APOLD1: variants seen among roughly 807,000 people sequenced by gnomAD.
APOLD1 encodes the protein apolipoprotein L domain-containing protein 1.
A neutral mutation model predicts 15.3 loss-of-function variants in APOLD1; 22 were observed. That is an observed-to-expected ratio of 1.44 (90% CI 1.03 to 2.05). The LOEUF is 2.05. APOLD1 is among the 30% of genes most tolerant of loss of function. APOLD1 has a pLI of 0.00. For missense variants in APOLD1, 394 were observed against 353.5 expected (o/e 1.11, Z -0.92); for synonymous variants, 190 against 167.4 (o/e 1.13, Z -1.04).
At chr12:12,762,570 G>A (rs753420747) in intron 1 of APOLD1, among the ~76,000 whole-genome samples, 1 of 151,776 alleles carries the variant, frequency 6.6e-6, no homozygotes, top group Non-Finnish European at 1.5e-5. Context: ...AGCTAGGCTG[G>A]TCTTGAACTC....
upstream of APOLD1, among the ~76,000 whole-genome samples, chr12:12,781,431 C>T (rs556095365): frequency 6.3e-4 from 95 of 151,780 alleles, no homozygotes; most frequent in South Asian, 2.3e-3. Context: ...AGCGAAACTC[C>T]GTCTCAAAAA....
chr12:12,734,731 A>G lies in APOLD1; in HGVS notation c.96+8635A>G, dbSNP rs1324495338. 2.6e-5 allele frequency among the ~76,000 whole-genome samples: 4 copies of G among 152,196 alleles called. No homozygotes were observed. The East Asian group carries it at 7.7e-4, about 29-fold the overall frequency. ...GTAGGCTGAACAATAAACGTTTATAATCTCACTAGAAAAAAAGCACGTGAA... is the reference window on the plus strand; with the variant it reads ...GTAGGCTGAACAATAAACGTTTATAGTCTCACTAGAAAAAAAGCACGTGAA... On this transcript the variant is annotated intron_variant, in intron 1 of 1. Transcript: ENST00000326765.
intron 1 of APOLD1, chr12:12,771,582 G>C (rs1180860095): frequency 7.7e-6 from 4 of 520,652 alleles, no homozygotes; most frequent in Admixed American, 4.0e-5. Context: ...ACTTATGATG[G>C]AGGAAATGGC....
At chr12:12,767,532 G>A (rs1189465718) in intron 1 of APOLD1, among the ~76,000 whole-genome samples, 4 of 151,826 alleles carry the variant, frequency 2.6e-5, no homozygotes, top group Non-Finnish European at 4.4e-5. Context: ...GTGGGGGCCC[G>A]CGCCTATAAT....
intron 1 of APOLD1, among the ~76,000 whole-genome samples, chr12:12,752,199 T>A (rs908887253): frequency 6.6e-5 from 10 of 152,326 alleles, no homozygotes; most frequent in Non-Finnish European, 4.4e-5. Flanking sequence ...GACAGGGTAA[T>A]TTAATCTGAC....
At chr12:12,786,438 T>A (rs926751738) in intron 1 of APOLD1, among the ~76,000 whole-genome samples, 1 of 151,922 alleles carries the variant, frequency 6.6e-6, no homozygotes, top group Non-Finnish European at 1.5e-5. Flanking sequence ...TTTCATTCAT[T>A]AGAGAGAGAG....
At chr12:12,745,667 AGCATC>A (rs901514406) in intron 1 of APOLD1, among the ~76,000 whole-genome samples, 18 of 152,264 alleles carry the variant, frequency 1.2e-4, no homozygotes, top group African/African-American at 3.9e-4. Flanking sequence ...TGCCTCTCTA[AGCATC>A]CAGTACACGT....
chr12:12,772,233 A>G (rs936726978), intron 1 of APOLD1, among the ~76,000 whole-genome samples: 2 of 152,238 alleles, frequency 1.3e-5, no homozygotes, highest in African/African-American at 4.8e-5. Context: ...AGACCCAACT[A>G]TATGTTGTAT....
intron 1 of APOLD1, among the ~76,000 whole-genome samples, chr12:12,777,889 GTTTTTTTTT>G (rs71436735): frequency 6.8e-5 from 8 of 117,100 alleles, no homozygotes; most frequent in Admixed American, 1.8e-4. Flanking sequence ...AAGGAAAGGT[GTTTTTTTTT>G]TTTTTTTTTT....
At chr12:12,749,928 G>T (rs919591915) in intron 1 of APOLD1, among the ~76,000 whole-genome samples, 1 of 152,226 alleles carries the variant, frequency 6.6e-6, no homozygotes, top group East Asian at 1.9e-4. Context: ...CCCTCTACTA[G>T]TAACAATATT....
intron 1 of APOLD1, among the ~76,000 whole-genome samples, chr12:12,745,025 A>C (rs572169777): frequency 1.3e-5 from 2 of 152,066 alleles, no homozygotes; most frequent in Non-Finnish European, 2.9e-5. Flanking sequence ...TTATTGTTTT[A>C]TGCCTGTGTG....
At chr12:12,774,977 T>C (rs978818852) in intron 1 of APOLD1, among the ~76,000 whole-genome samples, 4 of 152,196 alleles carry the variant, frequency 2.6e-5, no homozygotes, top group African/African-American at 4.8e-5. Context: ...TGAAAACTTA[T>C]GTCCACACAA....
chr12:12,728,672 A>G (rs991342767), intron 1 of APOLD1, among the ~76,000 whole-genome samples: 2 of 92,168 alleles, frequency 2.2e-5, no homozygotes, highest in African/African-American at 6.2e-5. Context: ...TCTCAAAAAA[A>G]AAAAAAAAAA....
At chr12:12,737,602 T>C (rs1946698730) in intron 1 of APOLD1, among the ~76,000 whole-genome samples, 1 of 151,964 alleles carries the variant, frequency 6.6e-6, no homozygotes, top group African/African-American at 2.4e-5. Context: ...TGCCTCCACC[T>C]CTCCTCCTCC....
intron 1 of APOLD1, among the ~76,000 whole-genome samples, chr12:12,780,106 G>C (rs982014412): frequency 2.2e-4 from 34 of 152,062 alleles, no homozygotes; most frequent in Non-Finnish European, 4.7e-4. Flanking sequence ...ATTTCTTTAA[G>C]TGAACAAAGC....
At position 12,785,821 on chromosome 12, in the gene APOLD1, G is replaced by C. The variant is rs1467282471; in HGVS notation, c.3+127G>C. On this transcript the variant is annotated intron_variant, in intron 1 of 1. Transcript: ENST00000356591. Reference sequence around the variant, plus strand: ...AAGTAAAATTAAGTCCTGTGAATAAGGAGATGAGGATTCTAGACTGGGCTC... The same window carrying C: ...AAGTAAAATTAAGTCCTGTGAATAACGAGATGAGGATTCTAGACTGGGCTC... 4.4e-6 allele frequency: 4 copies of C among 911,838 alleles called. No individual in the cohort carries two copies. The African/African-American group carries it at 6.6e-5, about 15-fold the overall frequency. The allele number at this position is 911,838 out of a possible 1,614,324, so 56.5% of individuals were successfully genotyped here. A position where few individuals can be genotyped will look rare whatever the true frequency, so the allele number is the denominator to read the frequency against.
intron 1 of APOLD1, among the ~76,000 whole-genome samples, chr12:12,777,114 T>C (rs2136395557): frequency 6.6e-6 from 1 of 152,312 alleles, no homozygotes; most frequent in East Asian, 1.9e-4. Flanking sequence ...AGCAATCCCA[T>C]TGTAATTTCC....
At chr12:12,782,702 G>T (rs556958051), upstream of APOLD1, among the ~76,000 whole-genome samples, 1 of 152,266 alleles carries the variant, frequency 6.6e-6, no homozygotes, top group South Asian at 2.1e-4. Context: ...GAGTTGAACA[G>T]ATCTGAAGGC....
upstream of APOLD1, chr12:12,785,640 C>A (rs1947117546): frequency 1.2e-6 from 2 of 1,614,176 alleles, no homozygotes; most frequent in Non-Finnish European, 1.7e-6. Context: ...ATAAAGCACA[C>A]TCATCCAGAA....
Sources: gnomAD v4.1 joint callset for allele counts (sites outside exome capture counted in the v4.1 genomes callset) on GRCh38, gnomAD v4.1.1 for gene constraint, MANE v1.5 for transcripts, NCBI Gene and HGNC (gene_info 2026-07-23, HGNC 2026-07-21) for gene names.